Variants in STK32B observed in about 807,000 individuals in gnomAD.
The protein encoded by STK32B is serine/threonine-protein kinase 32B.
STK32B carries 43 observed loss-of-function variants against 52.6 expected under a neutral mutation model. The observed-to-expected ratio is 0.82, with a 90% CI of 0.64 to 1.05. The LOEUF is 1.05. Ranked by LOEUF, STK32B falls within the 50% of genes least tolerant of loss-of-function variation. The pLI is 0.00. For missense variants in STK32B, 621 were observed against 534.6 expected, an observed-to-expected ratio of 1.16 and a Z score of -1.59; for synonymous variants, 238 against 204.3, an observed-to-expected ratio of 1.17 and a Z score of -1.41.
chr4:5,331,410 C>A lies in STK32B; in HGVS notation c.434+17C>A. 2 of 1,596,398 alleles carry A rather than the reference C, an allele frequency of 1.3e-6. No individual in the cohort carries two copies. Among genetic ancestry groups the A allele is most frequent in the Non-Finnish European group, 8.5e-7 (1 of 1,169,856 alleles). On this transcript the variant is annotated intron_variant, in intron 4 of 11. Coordinates refer to ENST00000282908, the MANE Select transcript of STK32B (RefSeq NM_018401.3). Reference sequence around the variant, plus strand: ...CATCCACAGGTAACTGGGCTGCTGGCGGGATGCCTGGGACAGAGGGACCAT... The same window carrying A: ...CATCCACAGGTAACTGGGCTGCTGGAGGGATGCCTGGGACAGAGGGACCAT...
intron 3 of STK32B, among the ~76,000 whole-genome samples, chr4:5,225,014 C>G (rs754079267): frequency 3.3e-5 from 5 of 151,988 alleles, no homozygotes; most frequent in Non-Finnish European, 4.4e-5. Context: ...CATTTTAGAG[C>G]AGTGGTTTGC....
chr4:5,165,083 C>G (rs1003949358), intron 2 of STK32B, among the ~76,000 whole-genome samples: 1 of 151,944 alleles, frequency 6.6e-6, no homozygotes, highest in Non-Finnish European at 1.5e-5. Flanking sequence ...TCCTGAGAAA[C>G]AGAATTTTTC....
chr4:5,212,512 C>G (rs1419672768), intron 3 of STK32B, among the ~76,000 whole-genome samples: 2 of 152,196 alleles, frequency 1.3e-5, no homozygotes, highest in Non-Finnish European at 2.9e-5. Context: ...GCAGTCCCCA[C>G]AAAGGTTTTC....
rs1478153637 is a variant in STK32B at position 5,205,760 on chromosome 4, C to A, written c.260+37310C>A. 2.0e-5 allele frequency among the ~76,000 whole-genome samples: 3 copies of A among 151,230 alleles called. No individual in the cohort carries two copies. The South Asian group carries it at 6.3e-4, about 32-fold the overall frequency. ...TTTAGGATTGTTTGAACTGTGTAAG[C>A]CTGGGATTGGGCAATGCCCATGTTC... On this transcript the variant is annotated intron_variant, in intron 3 of 11. Coordinates refer to ENST00000282908, the MANE Select transcript of STK32B (RefSeq NM_018401.3).
chr4:5,358,239 C>T (rs75816440), intron 4 of STK32B, among the ~76,000 whole-genome samples: 1,582 of 152,122 alleles, frequency 0.01, 25 homozygotes, highest in East Asian at 0.076. Flanking sequence ...GGACTTGGGT[C>T]GTAAGTTAAC....
In STK32B at chr4:5,460,551, G is replaced by A. The variant is rs1335646525; in HGVS notation, c.909+323G>A. Among the ~76,000 whole-genome samples the A allele has an allele frequency of 6.6e-6, 1 of 152,230 alleles. No homozygotes were observed. Among genetic ancestry groups the A allele is most frequent in the Non-Finnish European group, 1.5e-5 (1 of 68,042 alleles). On this transcript the variant is annotated intron_variant, in intron 9 of 11. Transcript: ENST00000282908. The surrounding 1 kb of genome is among the most constrained non-coding windows in gnomAD (Gnocchi z 4.8). ...CTGCCTCCACAGAGCTGACTGCCGA[G>A]TAGAGGAAGACAGGCAATGACCTAC... is the stretch of plus-strand genomic sequence containing the variant.
chr4:5,279,945 C>G (rs1371136643), intron 3 of STK32B, among the ~76,000 whole-genome samples: 1 of 152,184 alleles, frequency 6.6e-6, no homozygotes, highest in Non-Finnish European at 1.5e-5. Context: ...CTCACAAAAC[C>G]ACATTTTCCT....
intron 4 of STK32B, among the ~76,000 whole-genome samples, chr4:5,337,700 A>G (rs1398096036): frequency 1.3e-5 from 2 of 152,002 alleles, no homozygotes; most frequent in Non-Finnish European, 2.9e-5. Context: ...TTGAGTTACG[A>G]GAGGTTCAGG....
chr4:5,066,695 TTG>T (rs1355587854), intron 1 of STK32B, among the ~76,000 whole-genome samples: 2 of 152,216 alleles, frequency 1.3e-5, no homozygotes, highest in Non-Finnish European at 2.9e-5. Flanking sequence ...TTTCTTCCTC[TTG>T]TAATCAATGT....
chr4:5,250,718 C>T (rs1006281453), intron 3 of STK32B, among the ~76,000 whole-genome samples: 3 of 152,180 alleles, frequency 2.0e-5, no homozygotes, highest in Non-Finnish European at 4.4e-5. Flanking sequence ...TCAACCTCTC[C>T]AGCAATTGTT....
chr4:5,415,841 C>T (rs1560393392), intron 5 of STK32B, among the ~76,000 whole-genome samples: 4 of 152,096 alleles, frequency 2.6e-5, no homozygotes, highest in Admixed American at 1.3e-4. Context: ...TATGTAGTCC[C>T]ATGGGCTTCT....
chr4:5,088,110 G>A (rs987674536), intron 1 of STK32B, among the ~76,000 whole-genome samples: 3 of 151,882 alleles, frequency 2.0e-5, no homozygotes, highest in Non-Finnish European at 4.4e-5. Context: ...GATCGCAACA[G>A]AAAAAAGCTA....
rs74884042 is a variant in STK32B at position 5,333,907 on chromosome 4, C to T, written c.434+2514C>T. Among the ~76,000 whole-genome samples, 46 of 152,284 alleles carry T rather than the reference C, an allele frequency of 3.0e-4. No homozygotes were observed. The East Asian group carries it at 8.5e-3, about 28-fold the overall frequency. ...TGTAGTATAGTTTGAAGTCAGGTAGCATGATGCCTCCAGCTTTGTTCTTTT... is the reference window on the plus strand; with the variant it reads ...TGTAGTATAGTTTGAAGTCAGGTAGTATGATGCCTCCAGCTTTGTTCTTTT... On this transcript the variant is annotated intron_variant, in intron 4 of 11. Coordinates refer to ENST00000282908, the MANE Select transcript of STK32B (RefSeq NM_018401.3).
rs144188243 is a variant in STK32B, at chr4:5,365,829, C to T, written c.435-32378C>T. Reference sequence around the variant, plus strand: ...AGAGGAAGTTACAAACGCGAGCGTGCATGTGTTTGCATGTCACAAAGGTAT... The same window carrying T: ...AGAGGAAGTTACAAACGCGAGCGTGTATGTGTTTGCATGTCACAAAGGTAT... On this transcript the variant is annotated intron_variant, in intron 4 of 11. Coordinates refer to ENST00000282908, the MANE Select transcript of STK32B (RefSeq NM_018401.3). 8.7e-4 allele frequency among the ~76,000 whole-genome samples: 133 copies of T among 152,220 alleles called. 1 individual carries two copies. The highest frequency in any genetic ancestry group is 3.1e-3 in the African/African-American group (130 of 41,522).
At chr4:5,298,459 A>C (rs1003653941) in intron 3 of STK32B, among the ~76,000 whole-genome samples, 2 of 152,030 alleles carry the variant, frequency 1.3e-5, no homozygotes, top group African/African-American at 4.8e-5. Context: ...TGGAGCTGCT[A>C]CCTTTCTTTC....
At chr4:5,031,031 G>A in the STK32B span, among the ~76,000 whole-genome samples, 1 of 152,102 alleles carries the variant, frequency 6.6e-6, no homozygotes, top group Non-Finnish European at 1.5e-5. Flanking sequence ...ACAGGCTGGA[G>A]ACCCAGGGGA....
chr4:5,311,584 C>T (rs1403358038), intron 3 of STK32B, among the ~76,000 whole-genome samples: 2 of 151,934 alleles, frequency 1.3e-5, no homozygotes, highest in East Asian at 1.9e-4. Flanking sequence ...TAATGAAAAC[C>T]AGGAATGAAA....
At position 5,229,656 on chromosome 4, in the gene STK32B, A is replaced by G. The variant is rs143217250; in HGVS notation, c.260+61206A>G. On this transcript the variant is annotated intron_variant, in intron 3 of 11. Transcript: ENST00000282908. ...GGTGAGAAAAATACACTGTAAATAA[A>G]TGTTTATTTATTTTAAAGTAAAATG... is the stretch of plus-strand genomic sequence containing the variant. Among the ~76,000 whole-genome samples, 31 of 152,284 alleles carry G rather than the reference A, an allele frequency of 2.0e-4. No individual in the cohort carries two copies. The South Asian group carries it at 2.7e-3, about 13-fold the overall frequency.
At chr4:5,138,241 C>T (rs1019974707) in intron 1 of STK32B, among the ~76,000 whole-genome samples, 8 of 152,222 alleles carry the variant, frequency 5.3e-5, no homozygotes, top group South Asian at 2.1e-4. Flanking sequence ...TTCGACCTCA[C>T]GCTGGATTCT....
Sources: gnomAD v4.1 joint callset for allele counts (sites outside exome capture counted in the v4.1 genomes callset) on GRCh38, gnomAD v4.1.1 for gene constraint, Gnocchi (gnomAD v3.1) non-coding constraint, MANE v1.5 for transcripts, NCBI Gene and HGNC (gene_info 2026-07-23, HGNC 2026-07-21) for gene names.